The following SYN3 variants were observed in gnomAD, a reference collection of about 807,000 sequenced individuals.
SYN3 encodes the protein synapsin III, also known as synapsin-3.
Under a neutral mutation model 65.8 loss-of-function variants are expected in SYN3, and 35 were observed. That is an observed-to-expected ratio of 0.53 (90% CI 0.41 to 0.70). SYN3 has a LOEUF of 0.70. Among genes scored for constraint, SYN3 ranks in the 30% least tolerant of loss-of-function variants. The pLI, the probability that SYN3 is intolerant of heterozygous loss-of-function variation, is 0.00. For synonymous variants in SYN3, 270 were observed against 292.9 expected, an observed-to-expected ratio of 0.92 and a Z score of 0.80; for missense variants, 680 against 749.0, an observed-to-expected ratio of 0.91 and a Z score of 1.08.
chr22:32,711,957 A>G (rs577189416), intron 6 of SYN3, among the ~76,000 whole-genome samples: 3 of 152,242 alleles, frequency 2.0e-5, no homozygotes, highest in East Asian at 3.9e-4. Context: ...CAGTTTGACA[A>G]CCTGCCTCAG....
At chr22:32,687,247 CTG>C (rs1397167859) in intron 6 of SYN3, among the ~76,000 whole-genome samples, 3 of 152,106 alleles carry the variant, frequency 2.0e-5, no homozygotes, top group Non-Finnish European at 2.9e-5. Flanking sequence ...ACTGCAATCT[CTG>C]TCTCCTAGGT....
At chr22:32,783,868 C>T (rs548803218) in intron 6 of SYN3, among the ~76,000 whole-genome samples, 4 of 152,266 alleles carry the variant, frequency 2.6e-5, no homozygotes, top group Non-Finnish European at 5.9e-5. Context: ...TGCCTGGATT[C>T]GACTCCCAGC....
At chr22:32,555,987 G>A (rs1318205183) in intron 7 of SYN3, among the ~76,000 whole-genome samples, 1 of 152,124 alleles carries the variant, frequency 6.6e-6, no homozygotes, top group African/African-American at 2.4e-5. Context: ...ACAGAGTTTA[G>A]CTCAGAATCA....
intron 4 of SYN3, among the ~76,000 whole-genome samples, chr22:32,885,979 G>C (rs559155385): frequency 6.6e-6 from 1 of 152,106 alleles, no homozygotes; most frequent in East Asian, 1.9e-4. Context: ...GAAGCACATG[G>C]CCACCAAACA....
At chr22:32,590,194 A>G (rs1394062187) in intron 7 of SYN3, among the ~76,000 whole-genome samples, 2 of 152,170 alleles carry the variant, frequency 1.3e-5, no homozygotes, top group African/African-American at 4.8e-5. Flanking sequence ...TTATGGTGAT[A>G]ATCTCTTGCT....
rs1601889174 is a variant in SYN3, at chr22:32,674,394, C to G, written c.712-77658G>C. Among the ~76,000 whole-genome samples the G allele has an allele frequency of 2.0e-5, 3 of 152,246 alleles. No homozygotes were observed. The East Asian group carries it at 5.8e-4, about 29-fold the overall frequency. ...GCATATTTCTCATGCAAATCTGCCA[C>G]CAGAATGTTCATGTCATGAGGGAAG... is the stretch of plus-strand genomic sequence containing the variant. On this transcript the variant is annotated intron_variant, in intron 6 of 13. Transcript: ENST00000358763.
chr22:32,802,527 A>G (rs1232893065), intron 6 of SYN3, among the ~76,000 whole-genome samples: 1 of 151,250 alleles, frequency 6.6e-6, no homozygotes, highest in African/African-American at 2.4e-5. Context: ...AAAAAAAAAA[A>G]GTTGCCCGCC....
chr22:32,825,245 G>C (rs2047367584), intron 6 of SYN3, among the ~76,000 whole-genome samples: 1 of 152,148 alleles, frequency 6.6e-6, no homozygotes, highest in Non-Finnish European at 1.5e-5. Context: ...CTGCAGGGTG[G>C]CCAGCTGATG....
intron 4 of SYN3, among the ~76,000 whole-genome samples, chr22:32,871,953 C>T (rs931307475): frequency 2.6e-5 from 4 of 151,972 alleles, no homozygotes; most frequent in African/African-American, 4.8e-5. Flanking sequence ...CTATCTTTCT[C>T]GCCTCCCTCA....
At chr22:32,913,744 A>G (rs2050117346) in intron 4 of SYN3, among the ~76,000 whole-genome samples, 1 of 152,192 alleles carries the variant, frequency 6.6e-6, no homozygotes, top group African/African-American at 2.4e-5. Flanking sequence ...GAAGAATGAC[A>G]ATGCGAAGAG....
chr22:32,876,686 CAG>C (rs2048992702), intron 4 of SYN3, among the ~76,000 whole-genome samples: 1 of 149,820 alleles, frequency 6.7e-6, no homozygotes, highest in African/African-American at 2.5e-5. Context: ...GAAAATGAAA[CAG>C]TGGAGTCACA....
chr22:32,726,237 G>A (rs1378132342), intron 6 of SYN3, among the ~76,000 whole-genome samples: 1 of 152,110 alleles, frequency 6.6e-6, no homozygotes, highest in Non-Finnish European at 1.5e-5. Context: ...CCGCTTCCCG[G>A]GTTCAAGAGA....
chr22:32,587,222 CAAAAA>C, intron 7 of SYN3, among the ~76,000 whole-genome samples: 1 of 86,436 alleles, frequency 1.2e-5, no homozygotes, highest in South Asian at 4.2e-4. Context: ...GCTCTTATCT[CAAAAA>C]AAAAAAAAAA....
chr22:32,948,611 C>G (rs1359999791), intron 3 of SYN3, among the ~76,000 whole-genome samples: 1 of 151,990 alleles, frequency 6.6e-6, no homozygotes, highest in East Asian at 1.9e-4. Flanking sequence ...GTGGCGGGTG[C>G]CTGTAGTCTC....
intron 6 of SYN3, among the ~76,000 whole-genome samples, chr22:32,848,542 G>C (rs905102661): frequency 6.6e-6 from 1 of 152,114 alleles, no homozygotes. Context: ...AATGGGAGCT[G>C]TTTTCATTGG....
At chr22:32,930,993 C>T (rs945344572) in intron 4 of SYN3, 3 of 160,574 alleles carry the variant, frequency 1.9e-5, no homozygotes, top group Admixed American at 6.0e-5. Context: ...ACCTTCCATT[C>T]GTACCGCACT....
intron 2 of SYN3, among the ~76,000 whole-genome samples, chr22:32,994,659 G>A (rs1190712124): frequency 6.6e-6 from 1 of 152,180 alleles, no homozygotes; most frequent in Non-Finnish European, 1.5e-5. Flanking sequence ...AACTCTAGGA[G>A]GAGGGGACTG....
chr22:32,610,607 C>T (rs547788440), intron 6 of SYN3, among the ~76,000 whole-genome samples: 1 of 149,862 alleles, frequency 6.7e-6, no homozygotes, highest in East Asian at 2.0e-4. Context: ...TTTGAGACAA[C>T]GTTTTGCTCT....
chr22:32,609,711 C>A (rs2059416236), intron 6 of SYN3, among the ~76,000 whole-genome samples: 1 of 151,946 alleles, frequency 6.6e-6, no homozygotes, highest in Non-Finnish European at 1.5e-5. Flanking sequence ...AGGCTGGACT[C>A]AAACTCCTAG....
Sources: gnomAD v4.1 joint callset for allele counts (sites outside exome capture counted in the v4.1 genomes callset) on GRCh38, gnomAD v4.1.1 for gene constraint, MANE v1.5 for transcripts, NCBI Gene and HGNC (gene_info 2026-07-23, HGNC 2026-07-21) for gene names.